Variants in CA8 observed in about 807,000 individuals in gnomAD.
CA8 encodes carbonic anhydrase-related protein.
In CA8, 22 loss-of-function variants were observed where a neutral mutation model predicts 41.4. The ratio of observed to expected loss-of-function variants is 0.53; its 90% CI spans 0.38 to 0.76. The LOEUF is 0.76. Among genes scored for constraint, CA8 ranks in the 30% least tolerant of loss-of-function variants. The pLI, the probability that CA8 is intolerant of heterozygous loss-of-function variation, is 0.00. For synonymous variants in CA8, 121 were observed against 130.6 expected (o/e 0.93, Z 0.50); for missense variants, 270 against 352.8 (o/e 0.77, Z 1.88).
chr8:60,281,243 T>TGTGAGCACGC lies in CA8; in HGVS notation c.-106_-97dup. 1.2e-6 allele frequency: 1 copy of TGTGAGCACGC among 824,826 alleles called. No homozygotes were observed. The highest frequency in any genetic ancestry group is 1.5e-5 in the South Asian group (1 of 67,518). 51.1% of individuals were successfully genotyped at this position (824,826 alleles called of 1,614,324 possible). Reference sequence around the variant, plus strand: ...CCGGAGCGGAGCGCGCGTGGGGGAGTGTGAGCACGCGTGAGCGGCAGTGTG... The same window carrying TGTGAGCACGC: ...CCGGAGCGGAGCGCGCGTGGGGGAGTGTGAGCACGCGTGAGCACGCGTGAGCGGCAGTGTG... On this transcript the variant is annotated 5_prime_UTR_variant, in exon 1 of 9. Transcript: ENST00000317995.
chr8:60,280,091 C>T (rs1441820069), intron 1 of CA8, among the ~76,000 whole-genome samples: 1 of 152,060 alleles, frequency 6.6e-6, no homozygotes. Flanking sequence ...AAATCCCGGA[C>T]TAGCAAAATA....
At chr8:60,245,709 T>A (rs1326005989) in intron 3 of CA8, among the ~76,000 whole-genome samples, 3 of 152,334 alleles carry the variant, frequency 2.0e-5, no homozygotes, top group Non-Finnish European at 4.4e-5. Flanking sequence ...AGGTAAAGTA[T>A]CATTTTCTTT....
chr8:60,203,789 T>G (rs28624458), intron 8 of CA8, among the ~76,000 whole-genome samples: 6 of 151,968 alleles, frequency 3.9e-5, no homozygotes, highest in Non-Finnish European at 7.4e-5. Context: ...CTTTATGTTT[T>G]CAGTTGGAGA....
chr8:60,280,102 T>C (rs1249938662), intron 1 of CA8, among the ~76,000 whole-genome samples: 1 of 152,184 alleles, frequency 6.6e-6, no homozygotes, highest in Admixed American at 6.5e-5. Context: ...TAGCAAAATA[T>C]TCTATTTGTA....
chr8:60,206,987 G>T (rs62511578), intron 8 of CA8, among the ~76,000 whole-genome samples: 9,356 of 151,650 alleles, frequency 0.062, 423 homozygotes, highest in South Asian at 0.17. Context: ...CTCTGTTGCT[G>T]CGGCCTCCTG....
chr8:60,219,446 G>A (rs544178432), intron 7 of CA8, among the ~76,000 whole-genome samples: 69 of 152,238 alleles, frequency 4.5e-4, no homozygotes, highest in African/African-American at 1.1e-3. Flanking sequence ...ATGAGCCACC[G>A]CGCCCGGCCT....
At chr8:60,218,654 A>T (rs999867030) in intron 7 of CA8, among the ~76,000 whole-genome samples, 51 of 152,248 alleles carry the variant, frequency 3.3e-4, no homozygotes, top group African/African-American at 1.2e-3. Context: ...ATCATAAAAC[A>T]TGCTGTATGT....
chr8:60,223,510 C>A (rs1316170517), intron 6 of CA8, among the ~76,000 whole-genome samples: 2 of 152,158 alleles, frequency 1.3e-5, no homozygotes, highest in African/African-American at 2.4e-5. Flanking sequence ...GTCTCAAACT[C>A]TTGGCCTCAA....
At chr8:60,248,525 T>C (rs1439159826) in intron 3 of CA8, among the ~76,000 whole-genome samples, 2 of 152,226 alleles carry the variant, frequency 1.3e-5, no homozygotes, top group Non-Finnish European at 2.9e-5. Context: ...TCCCCGTTGC[T>C]TGTTTTTGTC....
rs979489864 is a variant in CA8, at chr8:60,185,791, T to C, written c.*4230A>G. ...ATCAGATTTGCCTTATATAAAAATA[T>C]ATTAAAAAAAGGACTTCTGCCTGGA... On this transcript the variant is annotated 3_prime_UTR_variant, in exon 9 of 9. Transcript: ENST00000317995. 1.6e-4 allele frequency among the ~76,000 whole-genome samples: 24 copies of C among 151,602 alleles called. No individual in the cohort carries two copies. The highest frequency in any genetic ancestry group is 5.8e-4 in the African/African-American group (24 of 41,290).
intron 3 of CA8, among the ~76,000 whole-genome samples, chr8:60,253,895 T>C (rs1042262180): frequency 1.3e-5 from 2 of 152,168 alleles, no homozygotes; most frequent in African/African-American, 4.8e-5. Context: ...TTATATCCCA[T>C]TCCCTAGGGC....
intron 2 of CA8, among the ~76,000 whole-genome samples, chr8:60,269,876 AC>A (rs1458920230): frequency 6.6e-6 from 1 of 152,248 alleles, no homozygotes; most frequent in Non-Finnish European, 1.5e-5. Context: ...GCATCCAGCA[AC>A]GGACAAGCCA....
At chr8:60,269,817 T>C (rs981652328) in intron 2 of CA8, among the ~76,000 whole-genome samples, 2 of 152,054 alleles carry the variant, frequency 1.3e-5, no homozygotes, top group African/African-American at 2.4e-5. Flanking sequence ...AAAAGTAAAC[T>C]GAATAGTCTA....
At chr8:60,212,686 G>A (rs1806877347) in intron 7 of CA8, among the ~76,000 whole-genome samples, 1 of 152,186 alleles carries the variant, frequency 6.6e-6, no homozygotes, top group Non-Finnish European at 1.5e-5. Context: ...CAAAATTTCA[G>A]TTATGCAAGA....
At chr8:60,259,502 A>G (rs938413250) in intron 3 of CA8, among the ~76,000 whole-genome samples, 2 of 152,212 alleles carry the variant, frequency 1.3e-5, no homozygotes, top group Non-Finnish European at 2.9e-5. Context: ...ATAAAATCAA[A>G]GGTAGCTTCA....
chr8:60,236,103 C>A (rs1219463631), intron 3 of CA8, among the ~76,000 whole-genome samples: 2 of 152,174 alleles, frequency 1.3e-5, no homozygotes, highest in Admixed American at 6.5e-5. Context: ...AGCAAAGGTG[C>A]TTCCTAGATG....
rs1263209707 is a variant in CA8 at position 60,266,060 on chromosome 8, A to C, written c.293-11T>G. The C allele has an allele frequency of 6.2e-7, 1 of 1,613,018 alleles. No individual in the cohort carries two copies. The highest frequency in any genetic ancestry group is 8.5e-7 in the Non-Finnish European group (1 of 1,179,538). ...GTCCTCCCGAAAGAACTGAAAAAGA[A>C]AATATATGTTACCGAATTACAGCAC... On this transcript the variant is annotated splice_polypyrimidine_tract_variant and intron_variant, in intron 2 of 8. Transcript: ENST00000317995.
At chr8:60,195,661 G>A (rs1193536644) in intron 8 of CA8, among the ~76,000 whole-genome samples, 1 of 152,178 alleles carries the variant, frequency 6.6e-6, no homozygotes, top group African/African-American at 2.4e-5. Context: ...GGAGTTAGCT[G>A]TGTGTCTGAT....
At chr8:60,240,716 T>G (rs1176046935) in intron 3 of CA8, among the ~76,000 whole-genome samples, 1 of 124,228 alleles carries the variant, frequency 8.0e-6, no homozygotes, top group African/African-American at 4.3e-5. Context: ...TTTGCTTAAT[T>G]GCCTTCCTCA....
Sources: allele counts gnomAD v4.1 joint callset (sites outside exome capture counted in the v4.1 genomes callset), GRCh38; gene constraint gnomAD v4.1.1; transcripts MANE v1.5; gene names NCBI Gene and HGNC (gene_info 2026-07-23, HGNC 2026-07-21).